SETDB2: variants seen among roughly 807,000 people sequenced by gnomAD.
SETDB2 encodes the protein SET domain bifurcated histone lysine methyltransferase 2.
SETDB2 carries 56 observed loss-of-function variants against 82.5 expected under a neutral mutation model. That is an observed-to-expected ratio of 0.68 (90% CI 0.55 to 0.85). SETDB2 has a LOEUF of 0.85. Ranked by LOEUF, SETDB2 falls within the 40% of genes least tolerant of loss-of-function variation. SETDB2 has a pLI of 0.00. For missense variants in SETDB2, 677 were observed against 816.4 expected (o/e 0.83, Z 2.08); for synonymous variants, 272 against 284.9 (o/e 0.95, Z 0.46).
chr13:49,468,117 C>T (rs994238874), intron 5 of SETDB2, among the ~76,000 whole-genome samples, 157 bp downstream of exon 5: 6 of 152,108 alleles, frequency 3.9e-5, no homozygotes, highest in African/African-American at 7.2e-5. Flanking sequence ...GATAGAATTT[C>T]ATGAGTCTCT....
Position 49,493,466 on chromosome 13 carries a change from C to G in SETDB2, c.*1617C>G, listed in dbSNP as rs1958750072. 4.6e-5 allele frequency: 7 copies of G among 152,142 alleles called. No homozygotes were observed. The highest frequency in any genetic ancestry group is 4.6e-4 in the Admixed American group (7 of 15,270). The allele number at this position is 152,142 out of a possible 1,614,324, so 9.4% of individuals were successfully genotyped here. A position where few individuals can be genotyped will look rare whatever the true frequency, so the allele number is the denominator to read the frequency against. On this transcript the variant is annotated 3_prime_UTR_variant, in exon 14 of 14. Transcript: ENST00000611815. ...AAATCTTGATTTGCTTTAGTCTGGA[C>G]TGGTTCATAGCCATCATCTTCCATC...
At position 49,478,157 on chromosome 13, in the gene SETDB2, T is replaced by C. The variant is rs551744595; in HGVS notation, c.869+1118T>C. Among the ~76,000 whole-genome samples the C allele has an allele frequency of 3.7e-4, 56 of 152,364 alleles. 2 individuals are homozygous for C. The South Asian group carries it at 0.011, about 31-fold the overall frequency. ...AGTGTAAAATGAGAGCTATATCTAC[T>C]GTTACCTCAGTTTGGCTCAGTTCCT... On this transcript the variant is annotated intron_variant, in intron 6 of 13. Transcript: ENST00000611815.
intron 1 of SETDB2, chr13:49,445,584 A>G (rs1957655737): frequency 6.6e-6 from 1 of 152,118 alleles, no homozygotes; most frequent in Non-Finnish European, 1.5e-5. Context: ...TTACTTGTGC[A>G]CGTTCAGTTT....
At chr13:49,469,748 A>T (rs1350083771) in intron 5 of SETDB2, among the ~76,000 whole-genome samples, 1 of 151,996 alleles carries the variant, frequency 6.6e-6, no homozygotes, top group Non-Finnish European at 1.5e-5. Flanking sequence ...TAATTTGTAG[A>T]GTCTTCTATA....
intron 4 of SETDB2, among the ~76,000 whole-genome samples, chr13:49,465,953 T>C (rs1958103886): frequency 6.6e-6 from 1 of 152,152 alleles, no homozygotes; most frequent in Non-Finnish European, 1.5e-5. Flanking sequence ...AAATGAGGAT[T>C]ATTTATATAG....
chr13:49,484,422 A>G (rs2038639), intron 10 of SETDB2, among the ~76,000 whole-genome samples: 108,446 of 151,870 alleles, frequency 0.71, 38,967 homozygotes, highest in East Asian at 0.82. Flanking sequence ...GGTGCCTGCC[A>G]CCATGCCCAG....
chr13:49,449,835 G>T (rs1957755192), intron 1 of SETDB2, among the ~76,000 whole-genome samples: 1 of 151,918 alleles, frequency 6.6e-6, no homozygotes. Flanking sequence ...TCATTTATTT[G>T]CTCACTATTG....
intron 4 of SETDB2, among the ~76,000 whole-genome samples, chr13:49,466,677 C>T (rs1178320905): frequency 1.3e-5 from 2 of 152,088 alleles, no homozygotes; most frequent in African/African-American, 4.8e-5. Context: ...GAGGGTCTTC[C>T]TCTGTCGCTC....
At chr13:49,467,990 C>T in intron 5 of SETDB2, 30 bp downstream of exon 5, 1 of 1,450,240 alleles carries the variant, frequency 6.9e-7, no homozygotes, top group Non-Finnish European at 9.4e-7. Flanking sequence ...GTTATTAATG[C>T]TTTTGCTCCT....
Position 49,493,435 on chromosome 13 carries a change from C to T in SETDB2, c.*1586C>T, listed in dbSNP as rs1958749491. The T allele has an allele frequency of 6.6e-6, 1 of 152,142 alleles. No individual in the cohort carries two copies. Among genetic ancestry groups the T allele is most frequent in the Non-Finnish European group, 1.5e-5 (1 of 68,032 alleles). The allele number at this position is 152,142 out of a possible 1,614,324, so 9.4% of individuals were successfully genotyped here. On this transcript the variant is annotated 3_prime_UTR_variant, in exon 14 of 14. Transcript: ENST00000611815. ...CAGTTTTATCTTCTTGGAGAAATTT[C>T]TCCTAAAATCTTGATTTGCTTTAGT...
At chr13:49,445,234 A>G (rs1301959909) in intron 1 of SETDB2, among the ~76,000 whole-genome samples, 1 of 152,214 alleles carries the variant, frequency 6.6e-6, no homozygotes, top group Non-Finnish European at 1.5e-5. Context: ...ATTAAATAAG[A>G]ACACGTGAAG....
Position 49,477,025 on chromosome 13 carries a change from G to A in SETDB2, c.855G>A (p.Glu285=), listed in dbSNP as rs919839574. 5 of 1,594,430 alleles carry A rather than the reference G, an allele frequency of 3.1e-6. No homozygotes were observed. The African/African-American group carries it at 6.8e-5, about 22-fold the overall frequency. The change falls in exon 6 of 14, where the codon GAG becomes GAA. Residue 285 remains glutamate, a synonymous_variant. Coordinates refer to ENST00000611815, the MANE Select transcript of SETDB2 (RefSeq NM_001160308.3). The part of the protein sequence containing the change: ...SMFTDSCDCS[E]GCIDITKCAC... ...TTACTGATTCCTGTGACTGCTCTGA[G>A]GGCTGCATAGACATGTGAGTAGAAA...
chr13:49,486,714 C>T (rs887319847), intron 11 of SETDB2, among the ~76,000 whole-genome samples: 49 of 152,312 alleles, frequency 3.2e-4, no homozygotes, highest in African/African-American at 1.2e-3. Flanking sequence ...AATATTGCCA[C>T]CCTGAGTCCT....
At chr13:49,481,801 G>A (rs1337031872) in intron 8 of SETDB2, among the ~76,000 whole-genome samples, 1 of 150,290 alleles carries the variant, frequency 6.7e-6, no homozygotes, top group Non-Finnish European at 1.5e-5. Flanking sequence ...GGGAAACACG[G>A]CTTTAGAGCC....
chr13:49,464,132 T>C (rs1157410986), intron 4 of SETDB2: 2 of 753,168 alleles, frequency 2.7e-6, no homozygotes, highest in Non-Finnish European at 5.0e-6. Context: ...GAAGAACACA[T>C]GACTTCAAAG....
chr13:49,469,015 A>G (rs1022707518), intron 5 of SETDB2, among the ~76,000 whole-genome samples: 1 of 152,180 alleles, frequency 6.6e-6, no homozygotes, highest in Admixed American at 6.5e-5. Flanking sequence ...ACAGTTATCT[A>G]TATATTTAGA....
intron 2 of SETDB2, among the ~76,000 whole-genome samples, chr13:49,459,102 C>G (rs1271310425): frequency 6.6e-6 from 1 of 152,146 alleles, no homozygotes; most frequent in Non-Finnish European, 1.5e-5. Flanking sequence ...ATACATCAGT[C>G]CAGAGTATTA....
chr13:49,446,163 G>A (rs535050967), intron 1 of SETDB2, among the ~76,000 whole-genome samples: 2 of 152,058 alleles, frequency 1.3e-5, no homozygotes, highest in African/African-American at 2.4e-5. Context: ...GCTTTAAAAT[G>A]AATTCCTTTT....
intron 6 of SETDB2, among the ~76,000 whole-genome samples, chr13:49,477,588 A>T (rs537726788): frequency 6.6e-6 from 1 of 152,364 alleles, no homozygotes; most frequent in African/African-American, 2.4e-5. Context: ...GTACTAATAC[A>T]TTAAAAGATA....
Sources: allele counts gnomAD v4.1 joint callset (sites outside exome capture counted in the v4.1 genomes callset), GRCh38; gene constraint gnomAD v4.1.1; transcripts MANE v1.5; gene names NCBI Gene and HGNC (gene_info 2026-07-23, HGNC 2026-07-21).